Variants in LRP1B observed in about 807,000 individuals in gnomAD.
The protein encoded by LRP1B is low-density lipoprotein receptor-related protein 1B.
LRP1B carries 217 observed loss-of-function variants against 556.6 expected under a neutral mutation model. That is an observed-to-expected ratio of 0.39 (90% CI 0.35 to 0.44). The LOEUF is 0.44. Among genes scored for constraint, LRP1B ranks in the 20% least tolerant of loss-of-function variants. LRP1B has a pLI of 1.00. For synonymous variants in LRP1B, 2,047 were observed against 1,865.8 expected (o/e 1.10, Z -2.50); for missense variants, 5,053 against 5,620.8 (o/e 0.90, Z 3.23).
intron 1 of LRP1B, among the ~76,000 whole-genome samples, chr2:142,114,915 AAAT>A (rs1559078956): frequency 6.6e-6 from 1 of 152,130 alleles, no homozygotes; most frequent in Non-Finnish European, 1.5e-5. Flanking sequence ...CAACAAAAAG[AAAT>A]AATAAATGTT....
chr2:141,065,164 G>T (rs1699445359), intron 7 of LRP1B, among the ~76,000 whole-genome samples: 1 of 151,820 alleles, frequency 6.6e-6, no homozygotes. Flanking sequence ...CCGTCACCTA[G>T]ATTCACCAGT....
intron 1 of LRP1B, among the ~76,000 whole-genome samples, chr2:142,049,355 A>T (rs1285569908): frequency 3.3e-5 from 5 of 152,134 alleles, no homozygotes; most frequent in Admixed American, 6.6e-5. Flanking sequence ...TCTTGCTTAC[A>T]TCCACTCAGC....
intron 2 of LRP1B, among the ~76,000 whole-genome samples, chr2:141,673,031 C>A (rs921910278): frequency 6.6e-6 from 1 of 151,796 alleles, no homozygotes; most frequent in African/African-American, 2.4e-5. Flanking sequence ...TCGCCTATAT[C>A]ACTGTAAGTT....
At chr2:140,671,845 T>A (rs1228738395) in intron 41 of LRP1B, among the ~76,000 whole-genome samples, 1 of 152,170 alleles carries the variant, frequency 6.6e-6, no homozygotes, top group East Asian at 1.9e-4. Context: ...TTGGGAGCCA[T>A]CATTTGAACT....
intron 37 of LRP1B, among the ~76,000 whole-genome samples, chr2:140,702,773 T>A (rs1224457432): frequency 3.9e-5 from 6 of 152,080 alleles, no homozygotes; most frequent in Non-Finnish European, 8.8e-5. Flanking sequence ...GCACTCAACA[T>A]CCTACCAAAA....
At chr2:141,774,518 C>T (rs1694998122) in intron 2 of LRP1B, among the ~76,000 whole-genome samples, 1 of 152,166 alleles carries the variant, frequency 6.6e-6, no homozygotes, top group Admixed American at 6.5e-5. Flanking sequence ...TCCTACCATA[C>T]TCCACCTCCA....
chr2:141,532,329 A>G (rs1684914737), intron 2 of LRP1B, among the ~76,000 whole-genome samples: 1 of 67,580 alleles, frequency 1.5e-5, no homozygotes, highest in African/African-American at 3.6e-5. Context: ...ACTTAAATAA[A>G]TTCTGTTGCT....
At chr2:141,374,034 G>A (rs911226397) in intron 3 of LRP1B, among the ~76,000 whole-genome samples, 2 of 151,966 alleles carry the variant, frequency 1.3e-5, no homozygotes, top group African/African-American at 4.8e-5. Flanking sequence ...AACATTTCCT[G>A]TAGGTTCAGT....
chr2:141,912,939 T>C (rs1699942133), intron 1 of LRP1B, among the ~76,000 whole-genome samples: 1 of 152,206 alleles, frequency 6.6e-6, no homozygotes, highest in African/African-American at 2.4e-5. Context: ...GGGTTTTAAC[T>C]TGCTTATGAA....
chr2:140,424,339 T>C (rs1685569877), intron 66 of LRP1B, among the ~76,000 whole-genome samples: 1 of 152,232 alleles, frequency 6.6e-6, no homozygotes, highest in Admixed American at 6.5e-5. Flanking sequence ...ATGTAAACCA[T>C]GATTATTCAT....
intron 47 of LRP1B, among the ~76,000 whole-genome samples, chr2:140,529,898 G>A (rs2104981379): frequency 6.6e-6 from 1 of 151,986 alleles, no homozygotes; most frequent in South Asian, 2.1e-4. Context: ...ATGGCCTGAA[G>A]TCTAAAGCTC....
chr2:140,963,366 C>T (rs963475832), intron 18 of LRP1B, among the ~76,000 whole-genome samples: 1 of 151,958 alleles, frequency 6.6e-6, no homozygotes, highest in African/African-American at 2.4e-5. Flanking sequence ...TATGTGCCAT[C>T]CACGACCTAG....
intron 3 of LRP1B, among the ~76,000 whole-genome samples, chr2:141,353,296 A>C (rs1688510654): frequency 6.6e-6 from 1 of 151,940 alleles, no homozygotes; most frequent in African/African-American, 2.4e-5. Context: ...TAAAATACCA[A>C]GTATTTATTA....
intron 1 of LRP1B, among the ~76,000 whole-genome samples, chr2:141,874,058 T>G (rs533300777): frequency 6.9e-6 from 1 of 145,120 alleles, no homozygotes; most frequent in African/African-American, 2.5e-5. Context: ...AAATTCCACA[T>G]AGTAAAACAA....
chr2:141,295,463 AGG>A (rs1177765576), intron 3 of LRP1B, among the ~76,000 whole-genome samples: 1 of 152,076 alleles, frequency 6.6e-6, no homozygotes, highest in Non-Finnish European at 1.5e-5. Flanking sequence ...CAATTTAGGG[AGG>A]AAAAAAAATT....
In LRP1B at chr2:141,247,309, C is replaced by A; in HGVS notation, c.509G>T (p.Arg170Ile). 6.2e-7 allele frequency: 1 copy of A among 1,613,800 alleles called. No homozygotes were observed. Among genetic ancestry groups the A allele is most frequent in the Non-Finnish European group, 8.5e-7 (1 of 1,179,796 alleles). ...GCAAGTGTAGGATCCATGTGTGTTT[C>A]TGCAGGTCTGGCTGCATGTACCATA... is the stretch of plus-strand genomic sequence containing the variant. ...AVYGTCSQTC[R>I]NTHGSYTCSC... is the part of the protein sequence containing the mutation. The change falls in exon 5 of 91, where the codon AGA becomes ATA. Residue 170 changes from arginine (R) to isoleucine (I), a missense_variant. By Grantham distance (97) the Arg-to-Ile change is moderately conservative. Transcript: ENST00000389484.
At chr2:140,689,714 C>T (rs986467380) in intron 41 of LRP1B, among the ~76,000 whole-genome samples, 1 of 152,218 alleles carries the variant, frequency 6.6e-6, no homozygotes, top group African/African-American at 2.4e-5. Context: ...AGTTCTCCTT[C>T]TGTTCATCCT....
chr2:141,413,956 C>T (rs541655805), intron 3 of LRP1B, among the ~76,000 whole-genome samples: 15 of 149,968 alleles, frequency 1.0e-4, no homozygotes, highest in Non-Finnish European at 1.8e-4. Context: ...AGAGGCTGGG[C>T]GCAGTGGCTC....
intron 3 of LRP1B, among the ~76,000 whole-genome samples, chr2:141,359,227 G>A (rs1320494467): frequency 5.5e-5 from 7 of 126,600 alleles, no homozygotes; most frequent in Admixed American, 3.9e-4. Flanking sequence ...ACCCAGAAAA[G>A]CAGAAGAAAT....
Sources: gnomAD v4.1 joint callset for allele counts (sites outside exome capture counted in the v4.1 genomes callset) on GRCh38, gnomAD v4.1.1 for gene constraint, MANE v1.5 for transcripts, NCBI Gene and HGNC (gene_info 2026-07-23, HGNC 2026-07-21) for gene names.